Variants in FBF1 observed in about 807,000 individuals in gnomAD.
The protein encoded by FBF1 is Fas binding factor 1.
Under a neutral mutation model 147.2 loss-of-function variants are expected in FBF1, and 119 were observed. The ratio of observed to expected loss-of-function variants is 0.81; its 90% confidence interval spans 0.70 to 0.94. FBF1 has a LOEUF of 0.94. Among genes scored for constraint, FBF1 ranks in the 40% least tolerant of loss-of-function variants. FBF1 has a pLI of 0.00. For synonymous variants in FBF1, 601 were observed against 609.0 expected (o/e 0.99, Z 0.19); for missense variants, 1,449 against 1,500.8 (o/e 0.97, Z 0.57).
At chr17:75,926,706 G>C in intron 10 of FBF1, 52 bp downstream of exon 10, 1 of 1,574,226 alleles carries the variant, frequency 6.4e-7, no homozygotes, top group Non-Finnish European at 8.6e-7. Flanking sequence ...TGGTTAGCTT[G>C]TTGCCAATAA....
At chr17:75,915,982 T>C (rs368545143) in intron 23 of FBF1, among the ~76,000 whole-genome samples, 2 of 127,012 alleles carry the variant, frequency 1.6e-5, no homozygotes, top group East Asian at 4.7e-4. Flanking sequence ...CACTACAGCC[T>C]GGGTGACAGA....
At chr17:75,937,957 C>G (rs1408015431) in intron 2 of FBF1, 190 bp downstream of exon 2, 1 of 788,310 alleles carries the variant, frequency 1.3e-6, no homozygotes, top group African/African-American at 1.7e-5. Context: ...GCTGGACACT[C>G]AGAGTCTCAG....
At chr17:75,938,023 C>A in intron 2 of FBF1, 124 bp downstream of exon 2, 1 of 1,434,582 alleles carries the variant, frequency 7.0e-7, no homozygotes, top group Admixed American at 2.0e-5. Context: ...TCACTCTTCT[C>A]CAGGGTCTCC....
chr17:75,921,911 T>C, intron 15 of FBF1, 34 bp downstream of exon 15: 1 of 1,520,148 alleles, frequency 6.6e-7, no homozygotes, highest in South Asian at 1.2e-5. Context: ...CCCACCATGC[T>C]CTCATTCCCA....
intron 7 of FBF1, among the ~76,000 whole-genome samples, chr17:75,929,602 TGAG>T (rs972098058): frequency 3.3e-5 from 5 of 152,146 alleles, no homozygotes; most frequent in Non-Finnish European, 7.3e-5. Context: ...CTTGATCTGA[TGAG>T]AAGACAGCAG....
chr17:75,912,328 G>A (rs938148194), intron 28 of FBF1, 21 bp from the exon 29 acceptor site: 1 of 1,542,338 alleles, frequency 6.5e-7, no homozygotes, highest in Non-Finnish European at 8.8e-7. Context: ...CAAGGAGGAA[G>A]TCAGGGACCA....
intron 3 of FBF1, among the ~76,000 whole-genome samples, chr17:75,937,283 G>A (rs1382787548): frequency 6.6e-6 from 1 of 151,512 alleles, no homozygotes; most frequent in Non-Finnish European, 1.5e-5. Context: ...CCATTCTCCT[G>A]CCTCAGCCTC....
chr17:75,914,611 G>A (rs1341258125), intron 25 of FBF1, 136 bp downstream of exon 25: 2 of 929,954 alleles, frequency 2.2e-6, no homozygotes, highest in African/African-American at 3.3e-5. Flanking sequence ...ATGATGATGC[G>A]ATTACTGTTT....
chr17:75,936,262 C>G (rs1050977895), intron 3 of FBF1, among the ~76,000 whole-genome samples: 3 of 151,852 alleles, frequency 2.0e-5, no homozygotes, highest in Non-Finnish European at 2.9e-5. Flanking sequence ...TGTAGTGAGC[C>G]GAGATCGCAC....
At chr17:75,926,715 A>C in intron 10 of FBF1, 43 bp downstream of exon 10, 1 of 1,583,980 alleles carries the variant, frequency 6.3e-7, no homozygotes, top group Non-Finnish European at 8.6e-7. Flanking sequence ...TGTTGCCAAT[A>C]AACTCTTCCT....
Position 75,912,277 on chromosome 17 carries a change from C to G in FBF1, c.3278G>C (p.Trp1093Ser), listed in dbSNP as rs116057735. 6.7e-4 allele frequency: 1,077 copies of G among 1,608,528 alleles called. 1 individual carries two copies. The African/African-American group carries it at 0.013, about 19-fold the overall frequency. ...ALMPPAPTTR[W>S]CSQPPTGLDP... The stretch of plus-strand genomic sequence containing the variant: ...CAGGCCAGTTGGCGGCTGGCTGCAC[C>G]AACGGGTGGTGGGAGCAGGAGGCAT... The change falls in exon 29 of 30, where the codon TGG (tryptophan) becomes TCG (serine). Residue 1093 changes from tryptophan (W) to serine (S), a missense_variant. By Grantham distance (177) the Trp-to-Ser change is radical (BLOSUM62 -3). Transcript: ENST00000636174.
intron 2 of FBF1, 113 bp from the exon 3 acceptor site, chr17:75,937,706 A>G (rs1381618444): frequency 1.9e-6 from 2 of 1,061,284 alleles, no homozygotes; most frequent in Non-Finnish European, 2.9e-6. Flanking sequence ...AGGCAAGAGC[A>G]CCAATGGCAT....
In FBF1 at chr17:75,922,043, T is replaced by G. The variant is rs893719291; in HGVS notation, c.1428A>C (p.Gln476His). 6.4e-7 allele frequency: 1 copy of G among 1,551,578 alleles called. No individual in the cohort carries two copies. The highest frequency in any genetic ancestry group is 8.7e-7 in the Non-Finnish European group (1 of 1,146,970). The change falls in exon 15 of 30, where the codon CAA (glutamine) becomes CAC (histidine). Residue 476 changes from glutamine (Q) to histidine (H), a missense_variant. Transcript: ENST00000636174. The surrounding 1 kb of genome is among the most constrained non-coding windows in gnomAD (Gnocchi z 5.0). ...GTAGHPPSGS[Q>H]PLTSTQGLEH... ...CAAGCCCTTGTGTGCTGGTGAGAGG[T>G]TGGCTGAGGAAAGGCAGCGTTCAAG...
chr17:75,918,348 T>C lies in FBF1; in HGVS notation c.2139-79A>G. Reference sequence around the variant, plus strand: ...CGGTAACTCCTTGTGGAAGGGTGTGTTTCCGTGCAGCCCTTGCTCCCAGGC... The same window carrying C: ...CGGTAACTCCTTGTGGAAGGGTGTGCTTCCGTGCAGCCCTTGCTCCCAGGC... On this transcript the variant is annotated intron_variant, in intron 20 of 29. Transcript: ENST00000636174. The surrounding 1 kb of genome is among the most constrained non-coding windows in gnomAD (Gnocchi z 5.8). 2 of 1,226,976 alleles carry C rather than the reference T, an allele frequency of 1.6e-6. No individual in the cohort carries two copies. The highest frequency in any genetic ancestry group is 2.8e-5 in the South Asian group (2 of 71,740). The allele number at this position is 1,226,976 out of a possible 1,614,324, so 76.0% of individuals were successfully genotyped here. A position where few individuals can be genotyped will look rare whatever the true frequency, so the allele number is the denominator to read the frequency against.
chr17:75,920,069 C>T lies in FBF1; in HGVS notation c.1869G>A (p.Leu623=). The T allele has an allele frequency of 6.3e-7, 1 of 1,596,186 alleles. No homozygotes were observed. The change falls in exon 19 of 30, where the codon CTG becomes CTA. Residue 623 remains leucine, a synonymous_variant. Transcript: ENST00000636174. ...KLELERAQHE[L]LLGSLQQQHQ... ...GCTGCTGCTGCAGACTCCCCAGCAGCAGCTCATGCTGGGCCCGTTCTAGCT... is the reference window on the plus strand; with the variant it reads ...GCTGCTGCTGCAGACTCCCCAGCAGTAGCTCATGCTGGGCCCGTTCTAGCT...
At chr17:75,926,196 G>A (rs1242425455) in intron 11 of FBF1, 33 bp from the exon 12 acceptor site, 3 of 1,605,262 alleles carry the variant, frequency 1.9e-6, no homozygotes, top group Non-Finnish European at 2.5e-6. Flanking sequence ...GGAACGTGTA[G>A]GTATGAGGGG....
rs1381345590 is a variant in FBF1, at chr17:75,921,675, C to T, written c.1527-115G>A. 10 of 106,748 alleles carry T rather than the reference C, an allele frequency of 9.4e-5. No homozygotes were observed. In the East Asian group the frequency reaches 1.2e-3, roughly 13 times the overall value. 6.6% of individuals were successfully genotyped at this position (106,748 alleles called of 1,614,324 possible). A position where few individuals can be genotyped will look rare whatever the true frequency, so the allele number is the denominator to read the frequency against. On this transcript the variant is annotated intron_variant, in intron 15 of 29. Transcript: ENST00000636174. ...GACGGGGCAGGGTGGGCAGCCTCTA[C>T]GTGGGACACGGGGATGGGGCAGGGT...
At chr17:75,935,166 A>ATTT (rs556762409) in intron 4 of FBF1, among the ~76,000 whole-genome samples, 1 of 142,466 alleles carries the variant, frequency 7.0e-6, no homozygotes, top group African/African-American at 2.6e-5. Flanking sequence ...ATTACATCTC[A>ATTT]TTTTTTTTTT....
intron 3 of FBF1, among the ~76,000 whole-genome samples, chr17:75,936,086 G>C (rs2065623092): frequency 6.6e-6 from 1 of 152,212 alleles, no homozygotes; most frequent in Admixed American, 6.5e-5. Flanking sequence ...GCCAAGGCGG[G>C]TGGATCACCT....
Sources: allele counts gnomAD v4.1 joint callset (sites outside exome capture counted in the v4.1 genomes callset), GRCh38; gene constraint gnomAD v4.1.1; non-coding constraint Gnocchi (gnomAD v3.1); transcripts MANE v1.5; gene names NCBI Gene and HGNC (gene_info 2026-07-23, HGNC 2026-07-21).